WASF1: variants seen among roughly 807,000 people sequenced by gnomAD.
The protein encoded by WASF1 is actin-binding protein WASF1.
Under a neutral mutation model 50.5 loss-of-function variants are expected in WASF1, and 7 were observed. That is an observed-to-expected ratio of 0.14 (90% CI 0.08 to 0.26). The LOEUF (loss-of-function observed/expected upper bound fraction) is 0.26, where lower values mean the gene tolerates loss of function less well. Among genes scored for constraint, WASF1 ranks in the 10% least tolerant of loss-of-function variants. The probability of loss-of-function intolerance (pLI) is 1.00; values close to 1 mark genes in which losing one functional copy is unlikely to be tolerated. For missense variants in WASF1, 470 were observed against 694.7 expected (o/e 0.68, Z 3.64); for synonymous variants, 205 against 244.0 (o/e 0.84, Z 1.49).
intron 3 of WASF1, among the ~76,000 whole-genome samples, chr6:110,133,812 A>G (rs780081576): frequency 9.9e-5 from 15 of 151,856 alleles, no homozygotes; most frequent in Non-Finnish European, 2.2e-4. Flanking sequence ...ATTTTCTCCT[A>G]TTCTGTGGGT....
intron 5 of WASF1, 130 bp from the exon 6 acceptor site, chr6:110,108,811 A>G (rs994194373): frequency 1.4e-6 from 1 of 725,526 alleles, no homozygotes; most frequent in Non-Finnish European, 2.2e-6. Flanking sequence ...TGGCTTATGA[A>G]TCAGAAACCA....
chr6:110,176,082 T>C (rs1776916336), intron 2 of WASF1, among the ~76,000 whole-genome samples: 1 of 152,022 alleles, frequency 6.6e-6, no homozygotes, highest in Non-Finnish European at 1.5e-5. Context: ...AGTTGTAAAA[T>C]GTAATCAATT....
intron 2 of WASF1, among the ~76,000 whole-genome samples, chr6:110,162,748 A>C (rs1044216590): frequency 1.3e-5 from 2 of 151,566 alleles, no homozygotes; most frequent in Non-Finnish European, 3.0e-5. Flanking sequence ...ACTAGGAATA[A>C]AAGGTAACTT....
intron 2 of WASF1, among the ~76,000 whole-genome samples, chr6:110,169,951 C>T (rs1776634202): frequency 6.6e-6 from 1 of 152,056 alleles, no homozygotes; most frequent in African/African-American, 2.4e-5. Context: ...AGAAAATCTA[C>T]ACCTAGGCAT....
At chr6:110,120,987 A>C (rs894442935) in intron 4 of WASF1, among the ~76,000 whole-genome samples, 1 of 151,754 alleles carries the variant, frequency 6.6e-6, no homozygotes, top group Non-Finnish European at 1.5e-5. Context: ...TAGCCATATG[A>C]AGAAAGCTGA....
chr6:110,111,882 A>G (rs922783758), intron 5 of WASF1, among the ~76,000 whole-genome samples: 1 of 152,116 alleles, frequency 6.6e-6, no homozygotes, highest in Non-Finnish European at 1.5e-5. Context: ...AATATACTAA[A>G]AAACACTGAA....
chr6:110,113,587 A>G (rs1352772395), intron 4 of WASF1, 127 bp from the exon 5 acceptor site: 3 of 850,028 alleles, frequency 3.5e-6, no homozygotes, highest in Non-Finnish European at 5.2e-6. Flanking sequence ...ATAAATAATG[A>G]ACAATGTAAT....
intron 4 of WASF1, among the ~76,000 whole-genome samples, chr6:110,115,311 T>C (rs1315831507): frequency 6.6e-6 from 1 of 151,868 alleles, no homozygotes; most frequent in Non-Finnish European, 1.5e-5. Context: ...TTTGTGCAAA[T>C]GCAGTCGGGT....
intron 4 of WASF1, among the ~76,000 whole-genome samples, chr6:110,120,942 T>C (rs1159717371): frequency 3.3e-5 from 5 of 152,128 alleles, no homozygotes; most frequent in African/African-American, 1.2e-4. Flanking sequence ...GGGGAAAGGA[T>C]TCCCTATTTA....
chr6:110,130,620 T>C (rs1774622133), intron 3 of WASF1, among the ~76,000 whole-genome samples: 7 of 152,228 alleles, frequency 4.6e-5, no homozygotes, highest in Admixed American at 4.6e-4. Context: ...CCCATTCTAA[T>C]GTTAATGAAT....
At chr6:110,144,703 C>A (rs2114563159) in intron 3 of WASF1, among the ~76,000 whole-genome samples, 1 of 152,232 alleles carries the variant, frequency 6.6e-6, no homozygotes, top group Non-Finnish European at 1.5e-5. Flanking sequence ...TTTCCCAGCA[C>A]CATTTATTAA....
At chr6:110,166,515 G>GAAAGGTCTTTCAGTTTAGTGTTCAGT (rs1776484587) in intron 2 of WASF1, among the ~76,000 whole-genome samples, 1 of 151,806 alleles carries the variant, frequency 6.6e-6, no homozygotes, top group African/African-American at 2.4e-5. Context: ...CAGTTTTAGT[G>GAAAGGTCTTTCAGTTTAGTGTTCAGT]TTACATTCAT....
At chr6:110,103,655 G>C (rs2114451567) in intron 8 of WASF1, 98 bp from the exon 9 acceptor site, 1 of 1,089,588 alleles carries the variant, frequency 9.2e-7, no homozygotes, top group East Asian at 2.7e-5. Flanking sequence ...TCCTTTCAAT[G>C]CCAATATTTT....
At chr6:110,174,128 T>C (rs1368938411) in intron 2 of WASF1, among the ~76,000 whole-genome samples, 2 of 152,102 alleles carry the variant, frequency 1.3e-5, no homozygotes, top group Admixed American at 6.6e-5. Flanking sequence ...CAAGTCACAA[T>C]CCCTCTTACA....
intron 3 of WASF1, among the ~76,000 whole-genome samples, chr6:110,138,616 A>G (rs534105949): frequency 2.0e-5 from 3 of 152,312 alleles, no homozygotes; most frequent in African/African-American, 7.2e-5. Flanking sequence ...CTCTCAGCAG[A>G]GAAGAGACCA....
At chr6:110,162,884 G>A (rs4947051) in intron 2 of WASF1, among the ~76,000 whole-genome samples, 35,190 of 151,388 alleles carry the variant, frequency 0.23, 6,213 homozygotes, top group African/African-American at 0.5. Context: ...ATATCACACC[G>A]AAAGTCTTAG....
intron 3 of WASF1, among the ~76,000 whole-genome samples, chr6:110,142,924 C>T (rs575473365): frequency 1.5e-5 from 2 of 135,326 alleles, no homozygotes; most frequent in East Asian, 4.4e-4. Flanking sequence ...ACATGTGGTT[C>T]CAAAAGTAAT....
chr6:110,138,593 A>G (rs1775073821), intron 3 of WASF1, among the ~76,000 whole-genome samples: 1 of 152,166 alleles, frequency 6.6e-6, no homozygotes, highest in Non-Finnish European at 1.5e-5. Context: ...AGATCATCCC[A>G]ATGAGTGTCC....
intron 2 of WASF1, among the ~76,000 whole-genome samples, chr6:110,161,394 T>C (rs1445296525): frequency 6.6e-6 from 1 of 151,566 alleles, no homozygotes; most frequent in East Asian, 1.9e-4. Flanking sequence ...CTACCAAATG[T>C]TGGATAAATT....
Sources: allele counts gnomAD v4.1 joint callset (sites outside exome capture counted in the v4.1 genomes callset), GRCh38; gene constraint gnomAD v4.1.1; transcripts MANE v1.5; gene names NCBI Gene and HGNC (gene_info 2026-07-23, HGNC 2026-07-21).